Variants in BCAS3 observed in about 807,000 individuals in gnomAD.
BCAS3 encodes BCAS3 microtubule associated cell migration factor.
A neutral mutation model predicts 116.1 loss-of-function variants in BCAS3; 53 were observed. That is an observed-to-expected ratio of 0.46 (90% CI 0.37 to 0.57). The LOEUF is 0.57. Among genes scored for constraint, BCAS3 ranks in the 20% least tolerant of loss-of-function variants. The probability of loss-of-function intolerance (pLI) is 0.00; values close to 1 mark genes in which losing one functional copy is unlikely to be tolerated. For synonymous variants in BCAS3, 391 were observed against 408.2 expected, an observed-to-expected ratio of 0.96 and a Z score of 0.51; for missense variants, 917 against 1,165.4, an observed-to-expected ratio of 0.79 and a Z score of 3.10.
intron 22 of BCAS3, among the ~76,000 whole-genome samples, chr17:61,147,852 G>C (rs2077319839): frequency 6.6e-6 from 1 of 152,048 alleles, no homozygotes; most frequent in African/African-American, 2.4e-5. Flanking sequence ...CAGGCGTGGT[G>C]GTGCATGCCT....
intron 7 of BCAS3, among the ~76,000 whole-genome samples, chr17:60,848,662 G>A (rs2052751109): frequency 6.6e-6 from 1 of 151,858 alleles, no homozygotes; most frequent in African/African-American, 2.4e-5. Context: ...GTTAGCTGTG[G>A]GTTTTTCATG....
chr17:61,031,509 A>G (rs1292833793), intron 16 of BCAS3, among the ~76,000 whole-genome samples: 1 of 152,068 alleles, frequency 6.6e-6, no homozygotes, highest in Non-Finnish European at 1.5e-5. Context: ...CCCATAGAAG[A>G]TATTTTATTC....
intron 22 of BCAS3, among the ~76,000 whole-genome samples, chr17:61,357,698 T>G (rs1285088863): frequency 6.7e-6 from 1 of 149,310 alleles, no homozygotes; most frequent in East Asian, 2.0e-4. Context: ...CACCTCAGCC[T>G]CCCAAAGTAC....
chr17:60,811,454 A>C (rs2048811049), intron 7 of BCAS3: 1 of 584,934 alleles, frequency 1.7e-6, no homozygotes. Flanking sequence ...CAAAGTTCTG[A>C]GACATTAAGC....
chr17:60,731,367 T>C (rs144323196), intron 5 of BCAS3, among the ~76,000 whole-genome samples: 4,836 of 152,156 alleles, frequency 0.032, 244 homozygotes, highest in African/African-American at 0.11. Flanking sequence ...CGTGCGCCAT[T>C]ACGCCCAGCT....
At position 61,074,952 on chromosome 17, in the gene BCAS3, C is replaced by G; in HGVS notation, c.2062C>G (p.Arg688Gly). 1 of 1,613,398 alleles carries G rather than the reference C, an allele frequency of 6.2e-7. No homozygotes were observed. Among genetic ancestry groups the G allele is most frequent in the Non-Finnish European group, 8.5e-7 (1 of 1,179,564 alleles). The change falls in exon 20 of 24, where the codon CGA becomes GGA. Residue 688 changes from arginine (R) to glycine (G), a missense_variant. This residue lies in a region of BCAS3 where 807 missense variants were observed against 1,026.0 expected (regional missense o/e 0.79). Coordinates refer to ENST00000407086, the MANE Select transcript of BCAS3 (RefSeq NM_017679.5). Reference sequence around the variant, plus strand: ...CCCTGGAAGTCCTGGGCCCATTACTCGACATGGGTCTTACGACAGTTTAGC... The same window carrying G: ...CCCTGGAAGTCCTGGGCCCATTACTGGACATGGGTCTTACGACAGTTTAGC... ...VPPGSPGPIT[R>G]HGSYDSLASD...
intron 15 of BCAS3, among the ~76,000 whole-genome samples, chr17:61,001,919 A>G (rs1288691490): frequency 6.6e-6 from 1 of 152,118 alleles, no homozygotes; most frequent in Non-Finnish European, 1.5e-5. Context: ...GAAAAGAGTG[A>G]CCTCATAATA....
At chr17:60,839,916 A>G (rs187744617) in intron 7 of BCAS3, among the ~76,000 whole-genome samples, 1 of 152,288 alleles carries the variant, frequency 6.6e-6, no homozygotes, top group Admixed American at 6.5e-5. Context: ...TTTTGTTTCA[A>G]TCTGTTAAAT....
intron 22 of BCAS3, among the ~76,000 whole-genome samples, chr17:61,135,128 C>T (rs1459608992): frequency 1.3e-5 from 2 of 152,174 alleles, no homozygotes; most frequent in Non-Finnish European, 2.9e-5. Flanking sequence ...CTTATAATGA[C>T]ATGATAAGGC....
intron 19 of BCAS3, among the ~76,000 whole-genome samples, chr17:61,049,144 T>C (rs2068610537): frequency 6.6e-6 from 1 of 151,498 alleles, no homozygotes; most frequent in Admixed American, 6.6e-5. Flanking sequence ...AAGAAAACAT[T>C]TGAAAAATTA....
At chr17:60,683,352 T>G (rs2033471519) in intron 2 of BCAS3, among the ~76,000 whole-genome samples, 2 of 152,120 alleles carry the variant, frequency 1.3e-5, no homozygotes, top group South Asian at 2.1e-4. Context: ...CAAATATGAC[T>G]TAGAAGCTAT....
intron 7 of BCAS3, among the ~76,000 whole-genome samples, chr17:60,824,706 T>C (rs934911831): frequency 4.6e-5 from 7 of 152,188 alleles, no homozygotes; most frequent in Non-Finnish European, 5.9e-5. Flanking sequence ...ATATTTATAA[T>C]CCCCCTACAT....
At position 60,960,070 on chromosome 17, in the gene BCAS3, C is replaced by T. The variant is rs2145301866; in HGVS notation, c.1221+12718C>T. ...ATTTATAACCTAATCACTTATTTTG[C>T]CAAAGAGTAACTCTTTGATCCTTTG... On this transcript the variant is annotated intron_variant, in intron 14 of 23. Coordinates refer to ENST00000407086, the MANE Select transcript of BCAS3 (RefSeq NM_017679.5). This position sits in a 1 kb window ranked among gnomAD's most constrained non-coding sequence, Gnocchi z 4.1. 6.6e-6 allele frequency among the ~76,000 whole-genome samples: 1 copy of T among 152,182 alleles called. No homozygotes were observed. The highest frequency in any genetic ancestry group is 1.5e-5 in the Non-Finnish European group (1 of 68,010).
At chr17:61,075,879 C>T (rs2071932281) in intron 20 of BCAS3, among the ~76,000 whole-genome samples, 2 of 152,114 alleles carry the variant, frequency 1.3e-5, no homozygotes, top group South Asian at 4.1e-4. Context: ...TACAACATTG[C>T]TGGGACTGCA....
At position 61,012,903 on chromosome 17, in the gene BCAS3, A is replaced by G. The variant is rs1449894955; in HGVS notation, c.1487-2848A>G. The stretch of plus-strand genomic sequence containing the variant: ...CAACATCTATACTGTTCCCTCGCTG[A>G]AGAACTTAACCTAAGTTCCTACTCC... On this transcript the variant is annotated intron_variant, in intron 15 of 23. Transcript: ENST00000407086. The surrounding 1 kb of genome is among the most constrained non-coding windows in gnomAD (Gnocchi z 4.5). Among the ~76,000 whole-genome samples, 2 of 152,058 alleles carry G rather than the reference A, an allele frequency of 1.3e-5. No homozygotes were observed. Among genetic ancestry groups the G allele is most frequent in the Admixed American group, 6.6e-5 (1 of 15,244 alleles).
chr17:60,873,391 T>G (rs1393953436), intron 8 of BCAS3, among the ~76,000 whole-genome samples: 6 of 152,196 alleles, frequency 3.9e-5, no homozygotes, highest in African/African-American at 2.4e-5. Flanking sequence ...TTTCCTTTTT[T>G]TATACTCATA....
rs1260852883 is a variant in BCAS3, at chr17:61,012,843, A to C, written c.1487-2908A>C. 6.6e-6 allele frequency among the ~76,000 whole-genome samples: 1 copy of C among 152,080 alleles called. No individual in the cohort carries two copies. The highest frequency in any genetic ancestry group is 2.4e-5 in the African/African-American group (1 of 41,440). ...TCTCAGTGAATCACTTCATTTTCCT[A>C]GACCACTCCTTTTATCTGTCAAATT... On this transcript the variant is annotated intron_variant, in intron 15 of 23. Coordinates refer to ENST00000407086, the MANE Select transcript of BCAS3 (RefSeq NM_017679.5). This position sits in a 1 kb window ranked among gnomAD's most constrained non-coding sequence, Gnocchi z 4.5.
At chr17:61,135,789 T>C (rs2076594228) in intron 22 of BCAS3, 1 of 152,266 alleles carries the variant, frequency 6.6e-6, no homozygotes, top group Non-Finnish European at 1.5e-5. Flanking sequence ...TTCACTTATG[T>C]ATTATCTATG....
intron 15 of BCAS3, among the ~76,000 whole-genome samples, chr17:60,997,215 C>G (rs1428685728): frequency 6.6e-6 from 1 of 152,210 alleles, no homozygotes; most frequent in African/African-American, 2.4e-5. Context: ...TTGACAGCCA[C>G]TTACCTCCTG....
Sources: allele counts gnomAD v4.1 joint callset (sites outside exome capture counted in the v4.1 genomes callset), GRCh38; gene constraint gnomAD v4.1.1; regional missense constraint gnomAD v4.1.1; non-coding constraint Gnocchi (gnomAD v3.1); transcripts MANE v1.5; gene names NCBI Gene and HGNC (gene_info 2026-07-23, HGNC 2026-07-21).